The following TEX26 variants were observed in gnomAD, a reference collection of about 807,000 sequenced individuals.
TEX26 encodes the protein testis expressed 26, also known as testis-expressed protein 26.
A neutral mutation model predicts 35.3 loss-of-function variants in TEX26; 34 were observed. That is an observed-to-expected ratio of 0.96 (90% CI 0.73 to 1.28). The LOEUF (loss-of-function observed/expected upper bound fraction) is 1.28. Ranked by LOEUF, TEX26 falls within the 50% of genes most tolerant of loss-of-function variation. The pLI, the probability that TEX26 is intolerant of heterozygous loss-of-function variation, is 0.00. For missense variants in TEX26, 371 were observed against 330.1 expected (o/e 1.12, Z -0.96); for synonymous variants, 136 against 111.8 (o/e 1.22, Z -1.36).
At chr13:30,932,963 T>A in intron 1 of TEX26, 187 bp downstream of exon 1, 1 of 580,184 alleles carries the variant, frequency 1.7e-6, no homozygotes, top group South Asian at 3.4e-5. Flanking sequence ...CCCTTTTCAG[T>A]CCTTCGCATA....
intron 2 of TEX26, among the ~76,000 whole-genome samples, chr13:30,944,755 G>C (rs1354053467): frequency 6.6e-6 from 1 of 151,880 alleles, no homozygotes; most frequent in Non-Finnish European, 1.5e-5. Flanking sequence ...ATAGTTTTGA[G>C]AGTTCCTTTT....
At chr13:30,965,841 T>C (rs141731105) in intron 4 of TEX26, among the ~76,000 whole-genome samples, 159 of 152,252 alleles carry the variant, frequency 1.0e-3, no homozygotes, top group African/African-American at 3.7e-3. Flanking sequence ...TGATATGCAG[T>C]AGATAGCAAG....
intron 4 of TEX26, among the ~76,000 whole-genome samples, chr13:30,960,851 C>A (rs1410348559): frequency 6.6e-6 from 1 of 152,210 alleles, no homozygotes; most frequent in Non-Finnish European, 1.5e-5. Flanking sequence ...TAATAAAACT[C>A]AAGTTTCACT....
intron 1 of TEX26, among the ~76,000 whole-genome samples, chr13:30,934,469 CTGG>C (rs1288840728): frequency 6.6e-6 from 1 of 152,200 alleles, no homozygotes; most frequent in East Asian, 1.9e-4. Context: ...TTCCCACAGA[CTGG>C]TGGATTCAAA....
chr13:30,937,328 C>T (rs1036924918), intron 1 of TEX26, among the ~76,000 whole-genome samples: 3 of 152,170 alleles, frequency 2.0e-5, no homozygotes, highest in Non-Finnish European at 4.4e-5. Flanking sequence ...GGAGGTGCTG[C>T]CTGGAGTGCT....
chr13:30,965,993 G>A (rs1374608775), intron 4 of TEX26, among the ~76,000 whole-genome samples: 2 of 152,184 alleles, frequency 1.3e-5, no homozygotes, highest in Non-Finnish European at 2.9e-5. Context: ...GGAGTGATCA[G>A]TGTCTTCTGT....
intron 4 of TEX26, among the ~76,000 whole-genome samples, chr13:30,962,613 C>T (rs535569082): frequency 7.8e-4 from 119 of 152,322 alleles, no homozygotes; most frequent in Non-Finnish European, 1.2e-3. Context: ...ATAATCTAAG[C>T]TTCTGAAGAA....
intron 4 of TEX26, among the ~76,000 whole-genome samples, chr13:30,960,729 A>T (rs1485467893): frequency 6.6e-6 from 1 of 152,126 alleles, no homozygotes. Flanking sequence ...AACTTTCAGC[A>T]TTTTCATCTG....
At chr13:30,955,112 G>GGAA (rs5802590) in intron 3 of TEX26, among the ~76,000 whole-genome samples, 109,548 of 151,890 alleles carry the variant, frequency 0.72, 39,646 homozygotes, top group African/African-American at 0.74. Context: ...GGGCCACAGT[G>GGAA]GAAGAAGAAT....
intron 2 of TEX26, among the ~76,000 whole-genome samples, chr13:30,948,702 C>G (rs1953809501): frequency 6.6e-6 from 1 of 152,062 alleles, no homozygotes; most frequent in Non-Finnish European, 1.5e-5. Flanking sequence ...CCTGTTCACT[C>G]TGATGGTGGT....
intron 1 of TEX26, among the ~76,000 whole-genome samples, chr13:30,934,943 G>C (rs996472256): frequency 6.6e-6 from 1 of 152,226 alleles, no homozygotes; most frequent in African/African-American, 2.4e-5. Flanking sequence ...AGGAGCCAGG[G>C]ACAAGTGGGA....
chr13:30,952,374 T>C (rs1953959891), intron 2 of TEX26, among the ~76,000 whole-genome samples: 1 of 152,180 alleles, frequency 6.6e-6, no homozygotes, highest in Non-Finnish European at 1.5e-5. Context: ...TGAAGTGCCA[T>C]TTGTATTGGA....
At chr13:30,952,866 CT>C (rs1566152538) in intron 3 of TEX26, 41 bp downstream of exon 3, 1 of 1,528,738 alleles carries the variant, frequency 6.5e-7, no homozygotes, top group Non-Finnish European at 8.9e-7. Context: ...TAATACTGTA[CT>C]GTATCAACAA....
At position 30,956,981 on chromosome 13, in the gene TEX26, A is replaced by T. The variant is rs747988779; in HGVS notation, c.421A>T (p.Asn141Tyr). 2 of 1,614,090 alleles carry T rather than the reference A, an allele frequency of 1.2e-6. No homozygotes were observed. The highest frequency in any genetic ancestry group is 8.5e-7 in the Non-Finnish European group (1 of 1,180,046). The change falls in exon 4 of 7, where the codon AAT (asparagine) becomes TAT (tyrosine). Residue 141 changes from asparagine to tyrosine, a missense_variant. Transcript: ENST00000380473. ...GAAAGAAGTTAACAAGGCACTATCA[A>T]ATCAGTTTATTTCCCTTACTAAGAG... ...SMKEVNKALS[N>Y]QFISLTKRDF...
At chr13:30,936,818 T>C in intron 1 of TEX26, 3 of 985,362 alleles carry the variant, frequency 3.0e-6, no homozygotes, top group Non-Finnish European at 3.6e-6. Context: ...CAAAAGGACA[T>C]TGAGATACTG....
intron 4 of TEX26, among the ~76,000 whole-genome samples, chr13:30,959,540 G>A (rs1411124006): frequency 1.3e-5 from 2 of 152,170 alleles, no homozygotes; most frequent in Non-Finnish European, 2.9e-5. Flanking sequence ...GTGATTACAT[G>A]AGTACGTAAA....
intron 2 of TEX26, among the ~76,000 whole-genome samples, chr13:30,947,870 G>C (rs367717321): frequency 2.3e-4 from 35 of 151,798 alleles, no homozygotes; most frequent in African/African-American, 7.7e-4. Context: ...GGTATATCTC[G>C]TAATGCTATC....
rs57564798 is a variant in TEX26, at chr13:30,966,216, C to T, written c.470-6C>T. 4.1e-3 allele frequency: 6,579 copies of T among 1,613,818 alleles called. 235 individuals carry two copies. In the African/African-American group the frequency reaches 0.075, roughly 18 times the overall value. On this transcript the variant is annotated splice_polypyrimidine_tract_variant and splice_region_variant and intron_variant, in intron 4 of 6. Transcript: ENST00000380473. Reference sequence around the variant, plus strand: ...AGTATTGCCTTCCATTTCCATTCCACCCCAGCTCAGAAGATTAAGAAAAGT... The same window carrying T: ...AGTATTGCCTTCCATTTCCATTCCATCCCAGCTCAGAAGATTAAGAAAAGT...
intron 1 of TEX26, chr13:30,936,709 C>A (rs1165095946): frequency 1.0e-6 from 1 of 985,154 alleles, no homozygotes; most frequent in Non-Finnish European, 1.2e-6. Context: ...AGGGCTGGGT[C>A]CACGGGAGGG....
Sources: gnomAD v4.1 joint callset for allele counts (sites outside exome capture counted in the v4.1 genomes callset) on GRCh38, gnomAD v4.1.1 for gene constraint, MANE v1.5 for transcripts, NCBI Gene and HGNC (gene_info 2026-07-23, HGNC 2026-07-21) for gene names.